ARHGAP6: variants seen among roughly 807,000 people sequenced by gnomAD.
ARHGAP6 encodes the protein Rho GTPase activating protein 6, also known as rho GTPase-activating protein 6.
In ARHGAP6, 16 loss-of-function variants were observed where a neutral mutation model predicts 55.7. That is an observed-to-expected ratio of 0.29 (90% confidence interval 0.19 to 0.44). The LOEUF (loss-of-function observed/expected upper bound fraction) is 0.44, where lower values mean the gene tolerates loss of function less well. ARHGAP6 is among the 20% of genes least tolerant of loss of function. ARHGAP6 has a pLI of 1.00. For missense variants in ARHGAP6, 698 were observed against 808.9 expected, an observed-to-expected ratio of 0.86 and a Z score of 1.66; for synonymous variants, 382 against 360.9, an observed-to-expected ratio of 1.06 and a Z score of -0.66.
chrX:11,254,271 G>T (rs755980079), intron 2 of ARHGAP6, among the ~76,000 whole-genome samples: 1 of 111,860 alleles, frequency 8.9e-6, no homozygotes, highest in Non-Finnish European at 1.9e-5. Flanking sequence ...TTTTTAATTG[G>T]TTGTTCAGAA....
chrX:11,262,236 T>C (rs768279971), intron 1 of ARHGAP6, among the ~76,000 whole-genome samples: 2 of 111,236 alleles, frequency 1.8e-5, no homozygotes, highest in Admixed American at 9.6e-5. Flanking sequence ...TTGAAAACAA[T>C]AGAGTCTTGA....
At chrX:11,332,163 T>C (rs1277149324) in intron 1 of ARHGAP6, among the ~76,000 whole-genome samples, 1 of 111,723 alleles carries the variant, frequency 9.0e-6, no homozygotes, top group Non-Finnish European at 1.9e-5. Flanking sequence ...TGCCGCTATA[T>C]TTTTCCCACC....
At chrX:11,291,841 A>G (rs2047999223) in intron 1 of ARHGAP6, among the ~76,000 whole-genome samples, 1 of 111,530 alleles carries the variant, frequency 9.0e-6, no homozygotes, top group Admixed American at 9.5e-5. Flanking sequence ...ATAATCTTCT[A>G]CTTCCTTCTT....
chrX:11,248,966 A>C (rs2047387378), intron 2 of ARHGAP6, among the ~76,000 whole-genome samples: 2 of 111,827 alleles, frequency 1.8e-5, no homozygotes, highest in Admixed American at 1.9e-4. Flanking sequence ...ATACTTGCAC[A>C]CACATGTTTA....
intron 1 of ARHGAP6, among the ~76,000 whole-genome samples, chrX:11,590,500 A>C (rs1488742026): frequency 9.1e-6 from 1 of 109,909 alleles, no homozygotes; most frequent in Non-Finnish European, 1.9e-5. Context: ...AAGAAAATGG[A>C]ATCAGCTGAG....
intron 1 of ARHGAP6, among the ~76,000 whole-genome samples, chrX:11,353,387 C>CA (rs890453690): frequency 9.0e-6 from 1 of 111,581 alleles, no homozygotes; most frequent in East Asian, 2.8e-4. Context: ...ACAAAAACAG[C>CA]AAAAAAAGTT....
chrX:11,208,231 G>A (rs560063262), intron 2 of ARHGAP6, among the ~76,000 whole-genome samples: 12 of 111,235 alleles, frequency 1.1e-4, no homozygotes, highest in Middle Eastern at 4.6e-3. Flanking sequence ...GGTGTGCCCC[G>A]TGGAGGCCAT....
chrX:11,182,641 T>C (rs999554405), intron 5 of ARHGAP6, among the ~76,000 whole-genome samples: 2 of 102,658 alleles, frequency 1.9e-5, no homozygotes, highest in African/African-American at 3.5e-5. Context: ...TTTTCTTTTT[T>C]TTTTTTTTTT....
intron 1 of ARHGAP6, among the ~76,000 whole-genome samples, chrX:11,607,730 AG>A (rs1306520513): frequency 1.8e-5 from 2 of 112,406 alleles, no homozygotes; most frequent in Non-Finnish European, 3.8e-5. Context: ...CATGTATAAA[AG>A]TATAGCTTGT....
intron 1 of ARHGAP6, among the ~76,000 whole-genome samples, chrX:11,272,751 A>G (rs1036544414): frequency 1.8e-5 from 2 of 112,146 alleles, no homozygotes; most frequent in African/African-American, 6.5e-5. Flanking sequence ...CTTGATCCAG[A>G]TGTCACTTTC....
intron 1 of ARHGAP6, among the ~76,000 whole-genome samples, chrX:11,326,119 CTTTCTTTCTTTCT>C (rs1258405769): frequency 3.3e-5 from 2 of 61,246 alleles, no homozygotes; most frequent in African/African-American, 6.2e-5. Flanking sequence ...CTTTTTCTTT[CTTTCTTTCTTTCT>C]TTTTTTTTTT....
chrX:11,514,144 G>A (rs184795176), intron 1 of ARHGAP6, among the ~76,000 whole-genome samples: 108 of 66,308 alleles, frequency 1.6e-3, no homozygotes, highest in African/African-American at 6.2e-3. Flanking sequence ...CCTGGGTGAC[G>A]AAGTGAAACC....
chrX:11,335,874 A>G, intron 1 of ARHGAP6: 2 of 195,935 alleles, frequency 1.0e-5, no homozygotes, highest in Non-Finnish European at 1.9e-5. Context: ...GCGATCCCCT[A>G]GAGGACACGG....
At chrX:11,419,932 C>T (rs774661316) in intron 1 of ARHGAP6, among the ~76,000 whole-genome samples, 142 of 112,425 alleles carry the variant, frequency 1.3e-3, no homozygotes, top group Non-Finnish European at 2.3e-3. Context: ...TAGCTGACAT[C>T]CCAAACACTC....
rs181331422 is a variant in ARHGAP6 at position 11,162,112 on chromosome X, C to A, written c.1810-5486G>T. On this transcript the variant is annotated intron_variant, in intron 9 of 12. Coordinates refer to ENST00000337414, the MANE Select transcript of ARHGAP6 (RefSeq NM_013427.3). ...GCCTCCCTCAAAGCTAGGGCAAGAT[C>A]ACGTATGCACATGCTGGTACCTGAA... Among the ~76,000 whole-genome samples the A allele has an allele frequency of 1.5e-4, 17 of 111,546 alleles. No individual in the cohort carries two copies. The Admixed American group carries it at 1.6e-3, about 11-fold the overall frequency.
At chrX:11,358,431 A>ATCTTTCTTTCTTTCTTTCTTTCTTTCTT (rs546950014) in intron 1 of ARHGAP6, among the ~76,000 whole-genome samples, 28 of 72,500 alleles carry the variant, frequency 3.9e-4, no homozygotes, top group Admixed American at 5.4e-4. Context: ...TTTTAACTGT[A>ATCTTTCTTTCTTTCTTTCTTTCTTTCTT]TCTTTCTTTC....
chrX:11,506,142 C>T (rs1385288458), intron 1 of ARHGAP6, among the ~76,000 whole-genome samples: 1 of 111,774 alleles, frequency 8.9e-6, no homozygotes, highest in Non-Finnish European at 1.9e-5. Context: ...TTCTCCCCAA[C>T]TCTCAGTCAG....
intron 1 of ARHGAP6, among the ~76,000 whole-genome samples, chrX:11,256,978 G>T (rs2047501628): frequency 9.0e-6 from 1 of 110,964 alleles, no homozygotes; most frequent in Admixed American, 9.6e-5. Flanking sequence ...TTCTTCTGGG[G>T]CCAGTGTATT....
At position 11,659,573 on chromosome X, in the gene ARHGAP6, G is replaced by C. The variant is rs191989027; in HGVS notation, c.588+4668C>G. ...ACATGTGAATACCTCATAGCAAAGG[G>C]AACTTAAGGTTTCAGGTGGAATTAA... On this transcript the variant is annotated intron_variant, in intron 1 of 12. Transcript: ENST00000337414. Among the ~76,000 whole-genome samples, 5 of 111,872 alleles carry C rather than the reference G, an allele frequency of 4.5e-5. No individual in the cohort carries two copies. In the East Asian group the frequency reaches 1.4e-3, roughly 31 times the overall value.
Sources: allele counts gnomAD v4.1 joint callset (sites outside exome capture counted in the v4.1 genomes callset), GRCh38; gene constraint gnomAD v4.1.1; transcripts MANE v1.5; gene names NCBI Gene and HGNC (gene_info 2026-07-23, HGNC 2026-07-21).